Variants in FMNL3 observed in about 807,000 individuals in gnomAD.
The protein encoded by FMNL3 is formin-like protein 3.
FMNL3 carries 57 observed loss-of-function variants against 119.6 expected under a neutral mutation model. The ratio of observed to expected loss-of-function variants is 0.48; its 90% CI spans 0.39 to 0.59. FMNL3 has a LOEUF of 0.59. FMNL3 is among the 20% of genes least tolerant of loss of function. The pLI, the probability that FMNL3 is intolerant of heterozygous loss-of-function variation, is 0.00. For synonymous variants in FMNL3, 491 were observed against 507.3 expected (o/e 0.97, Z 0.43); for missense variants, 1,053 against 1,323.5 (o/e 0.80, Z 3.17).
rs1342749761 is a variant in FMNL3 at position 49,652,221 on chromosome 12, C to T, written c.1324-9G>A. 2.5e-6 allele frequency: 4 copies of T among 1,609,606 alleles called. No individual in the cohort carries two copies. In the Admixed American group the frequency reaches 5.0e-5, roughly 20 times the overall value. On this transcript the variant is annotated splice_polypyrimidine_tract_variant and intron_variant, in intron 13 of 25. Coordinates refer to ENST00000335154, the MANE Select transcript of FMNL3 (RefSeq NM_175736.5). ...GTGTTCTCATATGTCTCCTGGCAGGCAGACAGCACCATTAAGGGAAAAGTG... is the reference window on the plus strand; with the variant it reads ...GTGTTCTCATATGTCTCCTGGCAGGTAGACAGCACCATTAAGGGAAAAGTG...
At chr12:49,688,858 T>C (rs1433567913) in intron 1 of FMNL3, among the ~76,000 whole-genome samples, 1 of 152,204 alleles carries the variant, frequency 6.6e-6, no homozygotes, top group Non-Finnish European at 1.5e-5. Flanking sequence ...CATTGGACAC[T>C]GTTACTATGA....
intron 1 of FMNL3, among the ~76,000 whole-genome samples, chr12:49,691,749 T>G (rs892741209): frequency 2.6e-5 from 4 of 151,794 alleles, no homozygotes; most frequent in Admixed American, 2.6e-4. Context: ...AAAAGTTGGG[T>G]CTGGCCAGGT....
chr12:49,646,722 A>G (rs764420360), intron 25 of FMNL3, 164 bp downstream of exon 25: 1 of 1,555,164 alleles, frequency 6.4e-7, no homozygotes, highest in South Asian at 1.2e-5. Context: ...CCCGCTTGGC[A>G]GTACGGGCCG....
chr12:49,690,510 C>T (rs1944574294), intron 1 of FMNL3, among the ~76,000 whole-genome samples: 1 of 152,118 alleles, frequency 6.6e-6, no homozygotes, highest in Admixed American at 6.5e-5. Flanking sequence ...TTAGATTTTT[C>T]ACCACTATAT....
chr12:49,652,537 C>T (rs566847884), intron 13 of FMNL3, among the ~76,000 whole-genome samples: 13 of 152,310 alleles, frequency 8.5e-5, no homozygotes, highest in East Asian at 1.9e-4. Context: ...TCTGACATAG[C>T]GGCTCTCTCC....
chr12:49,659,566 A>G (rs1381225235), intron 5 of FMNL3, among the ~76,000 whole-genome samples: 1 of 152,096 alleles, frequency 6.6e-6, no homozygotes, highest in African/African-American at 2.4e-5. Flanking sequence ...GCGTGCCACC[A>G]TGCCTGGCTA....
rs749532237 is a variant in FMNL3 at position 49,644,055 on chromosome 12, G to A, written c.*1760C>T. 1.2e-6 allele frequency: 2 copies of A among 1,614,166 alleles called. No homozygotes were observed. The highest frequency in any genetic ancestry group is 1.7e-6 in the Non-Finnish European group (2 of 1,179,998). On this transcript the variant is annotated 3_prime_UTR_variant, in exon 26 of 26. Coordinates refer to ENST00000335154, the MANE Select transcript of FMNL3 (RefSeq NM_175736.5). ...TCAGCACGCTGGTCAAGCTTCCACG[G>A]CCCTTAGTGCAGGCTAAGGGTGAAC...
chr12:49,641,845 C>CA lies in FMNL3; in HGVS notation c.*3969_*3970insT. 7.2e-7 allele frequency: 1 copy of CA among 1,394,728 alleles called. No individual in the cohort carries two copies. Among genetic ancestry groups the CA allele is most frequent in the Admixed American group, 1.7e-5 (1 of 59,590 alleles). The allele number at this position is 1,394,728 out of a possible 1,614,324, so 86.4% of individuals were successfully genotyped here. A position where few individuals can be genotyped will look rare whatever the true frequency, so the allele number is the denominator to read the frequency against. ...CTTGACCATCTGTAATGTGACCACT[C>CA]TGCCTGCCAGCTTTGGCCTCAGGCA... On this transcript the variant is annotated 3_prime_UTR_variant, in exon 26 of 26. Coordinates refer to ENST00000335154, the MANE Select transcript of FMNL3 (RefSeq NM_175736.5).
intron 1 of FMNL3, among the ~76,000 whole-genome samples, chr12:49,670,809 G>A (rs1326611770): frequency 6.6e-6 from 1 of 152,218 alleles, no homozygotes; most frequent in African/African-American, 2.4e-5. Flanking sequence ...CGTGTGGACA[G>A]CAGGACAGGA....
chr12:49,698,859 C>G (rs1220378662), intron 1 of FMNL3, among the ~76,000 whole-genome samples: 1 of 152,172 alleles, frequency 6.6e-6, no homozygotes, highest in Non-Finnish European at 1.5e-5. Flanking sequence ...CTGCCCAGCT[C>G]AGTTCTATTC....
Position 49,650,685 on chromosome 12 carries a change from GC to G in FMNL3, c.1990del (p.Ala664ProfsTer18), listed in dbSNP as rs1943369842. ...TCAGTGGGAGCCTCACGTATGAATG[GC>G]CCTGCAGATCTCCTCAGCCGAGCGG... ...AGRSAEEICR[A>X]IHTFDLQTLP... On this transcript the variant is annotated frameshift_variant, in exon 17 of 26. Coordinates refer to ENST00000335154, the MANE Select transcript of FMNL3 (RefSeq NM_175736.5). LOFTEE classifies it high-confidence loss of function. 6.2e-7 allele frequency: 1 copy of G among 1,613,092 alleles called. No individual in the cohort carries two copies. Among genetic ancestry groups the G allele is most frequent in the African/African-American group, 1.3e-5 (1 of 74,908 alleles).
Position 49,649,229 on chromosome 12 carries a change from T to G in FMNL3, c.2385+30A>C. 6.2e-7 allele frequency: 1 copy of G among 1,613,976 alleles called. No individual in the cohort carries two copies. Among genetic ancestry groups the G allele is most frequent in the African/African-American group, 1.3e-5 (1 of 75,044 alleles). On this transcript the variant is annotated intron_variant, in intron 20 of 25. Transcript: ENST00000335154. This position sits in a 1 kb window ranked among gnomAD's most constrained non-coding sequence, Gnocchi z 5.6. ...CTCCACAACTGCTGCCCCCCAGGCT[T>G]CCTGGCCCACGCTGCCCTCACCATC...
At chr12:49,683,192 G>C (rs751401098) in intron 1 of FMNL3, among the ~76,000 whole-genome samples, 4 of 152,094 alleles carry the variant, frequency 2.6e-5, no homozygotes, top group Non-Finnish European at 4.4e-5. Flanking sequence ...CTGGAGAAAA[G>C]CTCACATTTT....
In FMNL3 at chr12:49,666,118, A is replaced by C; in HGVS notation, c.291+9T>G. ...TGGCAAGACGGGGACTCTCTGCCTC[A>C]TACTTCACCTTCCGAGTTACACTGG... On this transcript the variant is annotated intron_variant, in intron 3 of 25. Coordinates refer to ENST00000335154, the MANE Select transcript of FMNL3 (RefSeq NM_175736.5). 1 of 1,613,530 alleles carries C rather than the reference A, an allele frequency of 6.2e-7. No individual in the cohort carries two copies. Among genetic ancestry groups the C allele is most frequent in the Non-Finnish European group, 8.5e-7 (1 of 1,179,558 alleles).
In FMNL3 at chr12:49,647,769, C is replaced by T; in HGVS notation, c.2712G>A (p.Glu904=). ...AYNAVVRYFG[E]SPKTTPPSVF... The stretch of plus-strand genomic sequence containing the variant: ...CAGAAGGAGGTGTAGTCTTGGGACT[C>T]TCGCCAAAGTAGCGCACAACTGCAT... The change falls in exon 23 of 26, where the codon GAG becomes GAA. Residue 904 remains glutamate, a synonymous_variant. Transcript: ENST00000335154. This position sits in a 1 kb window ranked among gnomAD's most constrained non-coding sequence, Gnocchi z 4.9. 1.2e-6 allele frequency: 2 copies of T among 1,613,798 alleles called. No individual in the cohort carries two copies. Among genetic ancestry groups the T allele is most frequent in the Non-Finnish European group, 8.5e-7 (1 of 1,179,894 alleles).
rs1035004881 is a variant in FMNL3, at chr12:49,645,056, C to T, written c.*759G>A. 4 of 128,364 alleles carry T rather than the reference C, an allele frequency of 3.1e-5. No homozygotes were observed. The highest frequency in any genetic ancestry group is 9.8e-5 in the Admixed American group (1 of 10,160). The allele number at this position is 128,364 out of a possible 1,614,324, so 8.0% of individuals were successfully genotyped here. A position where few individuals can be genotyped will look rare whatever the true frequency, so the allele number is the denominator to read the frequency against. ...TTCCCTTCCAGGGGCAGAGGAGAAA[C>T]GGGAAGGTAAGCAAATAGCCAAGAC... On this transcript the variant is annotated 3_prime_UTR_variant, in exon 26 of 26. Coordinates refer to ENST00000335154, the MANE Select transcript of FMNL3 (RefSeq NM_175736.5).
Position 49,642,099 on chromosome 12 carries a change from C to T in FMNL3, c.*3716G>A, listed in dbSNP as rs543476065. The stretch of plus-strand genomic sequence containing the variant: ...GCTCCATTCCTTCTCACTCACTGTC[C>T]CACTGACTATATTCCCAATTCAGGG... On this transcript the variant is annotated 3_prime_UTR_variant, in exon 26 of 26. Transcript: ENST00000335154. This position sits in a 1 kb window ranked among gnomAD's most constrained non-coding sequence, Gnocchi z 5.8. The T allele has an allele frequency of 1.2e-6, 2 of 1,602,354 alleles. No individual in the cohort carries two copies. Among genetic ancestry groups the T allele is most frequent in the Non-Finnish European group, 1.7e-6 (2 of 1,171,966 alleles).
chr12:49,644,332 T>C lies in FMNL3; in HGVS notation c.*1483A>G. The C allele has an allele frequency of 1.0e-6, 1 of 952,932 alleles. No homozygotes were observed. Among genetic ancestry groups the C allele is most frequent in the Non-Finnish European group, 1.6e-6 (1 of 621,484 alleles). The allele number at this position is 952,932 out of a possible 1,614,324, so 59.0% of individuals were successfully genotyped here. A position where few individuals can be genotyped will look rare whatever the true frequency, so the allele number is the denominator to read the frequency against. The stretch of plus-strand genomic sequence containing the variant: ...AACCCCACCCCCAGCACACCATTGT[T>C]GGCACCTCTCAAGGTTGCTCTTGGT... On this transcript the variant is annotated 3_prime_UTR_variant, in exon 26 of 26. Transcript: ENST00000335154.
intron 21 of FMNL3, among the ~76,000 whole-genome samples, 199 bp from the exon 22 acceptor site, chr12:49,648,552 A>G (rs111989509): frequency 2.4e-4 from 37 of 152,234 alleles, no homozygotes; most frequent in Admixed American, 5.2e-4. Flanking sequence ...TGAGCTTGTG[A>G]CCCCAAAGAA....
Sources: gnomAD v4.1 joint callset for allele counts (sites outside exome capture counted in the v4.1 genomes callset) on GRCh38, gnomAD v4.1.1 for gene constraint, Gnocchi (gnomAD v3.1) non-coding constraint, MANE v1.5 for transcripts, NCBI Gene and HGNC (gene_info 2026-07-23, HGNC 2026-07-21) for gene names.